The following OCM variants were observed in gnomAD, a reference collection of about 807,000 sequenced individuals.
OCM encodes oncomodulin-1.
A neutral mutation model predicts 14.1 loss-of-function variants in OCM; 18 were observed. The ratio of observed to expected loss-of-function variants is 1.28; its 90% confidence interval spans 0.88 to 1.89. The LOEUF (loss-of-function observed/expected upper bound fraction) is 1.89. Ranked by LOEUF, OCM falls within the 40% of genes most tolerant of loss-of-function variation. The pLI, the probability that OCM is intolerant of heterozygous loss-of-function variation, is 0.00. For synonymous variants in OCM, 48 were observed against 51.0 expected (o/e 0.94, Z 0.25); for missense variants, 140 against 137.6 (o/e 1.02, Z -0.09).
At chr7:5,862,181 TG>T in the OCM span, among the ~76,000 whole-genome samples, 19 of 152,288 alleles carry the variant, frequency 1.2e-4, no homozygotes, top group South Asian at 3.9e-3. Context: ...CCAGCATGTT[TG>T]TATTGTGAAA....
chr7:5,873,433 A>G, the OCM span, among the ~76,000 whole-genome samples: 3 of 152,084 alleles, frequency 2.0e-5, no homozygotes, highest in Non-Finnish European at 4.4e-5. Context: ...GGGTGGTGGT[A>G]CATGCCTGTA....
At chr7:5,878,291 A>G (rs1157650933), upstream of OCM, among the ~76,000 whole-genome samples, 1 of 151,840 alleles carries the variant, frequency 6.6e-6, no homozygotes, top group Non-Finnish European at 1.5e-5. Context: ...AGCAGAAAGT[A>G]CAATGATGCT....
At chr7:5,864,288 G>T in the OCM span, among the ~76,000 whole-genome samples, 2 of 151,410 alleles carry the variant, frequency 1.3e-5, no homozygotes, top group African/African-American at 4.9e-5. Context: ...TTGAGGCTGC[G>T]GTGAGCTGTG....
At chr7:5,876,637 G>C (rs1167125901), upstream of OCM, among the ~76,000 whole-genome samples, 1 of 152,174 alleles carries the variant, frequency 6.6e-6, no homozygotes, top group Admixed American at 6.5e-5. Flanking sequence ...TGGAGGTTTG[G>C]TCATTTAAGA....
rs528921766 is a variant in OCM, at chr7:5,884,954, A to T, written c.304+955A>T. On this transcript the variant is annotated intron_variant, in intron 3 of 3. Coordinates refer to ENST00000242104, the MANE Select transcript of OCM (RefSeq NM_001097622.2). ...GACCAACATGGTGAACCCCATCTCT[A>T]TTGAAAATATAAAAAATTAGCCGGT... 2.6e-4 allele frequency among the ~76,000 whole-genome samples: 40 copies of T among 152,052 alleles called. No homozygotes were observed. In the South Asian group the frequency reaches 8.3e-3, roughly 32 times the overall value.
the OCM span, among the ~76,000 whole-genome samples, chr7:5,871,180 C>CG: frequency 6.6e-6 from 1 of 151,492 alleles, no homozygotes; most frequent in East Asian, 1.9e-4. Context: ...GAGCCCCCCC[C>CG]CCGTCTCTAC....
intron 3 of OCM, among the ~76,000 whole-genome samples, chr7:5,885,613 C>CTTTTT (rs917292765): frequency 6.5e-5 from 9 of 138,360 alleles, no homozygotes; most frequent in Non-Finnish European, 1.1e-4. Flanking sequence ...TCTTTCTTTC[C>CTTTTT]TTTTTTTTTT....
At chr7:5,872,861 G>A in the OCM span, among the ~76,000 whole-genome samples, 1 of 151,766 alleles carries the variant, frequency 6.6e-6, no homozygotes. Flanking sequence ...AAACACCCAA[G>A]AATGATCAAT....
At chr7:5,881,961 CCTGTAATCTCAG>C (rs1781223725) in intron 1 of OCM, among the ~76,000 whole-genome samples, 1 of 151,632 alleles carries the variant, frequency 6.6e-6, no homozygotes, top group Non-Finnish European at 1.5e-5. Context: ...GGGGTGCACA[CCTGTAATCTCAG>C]CTACTTGGGA....
upstream of OCM, among the ~76,000 whole-genome samples, chr7:5,877,317 A>G (rs1248581503): frequency 1.3e-5 from 2 of 150,470 alleles, no homozygotes; most frequent in Non-Finnish European, 3.0e-5. Flanking sequence ...AAATACAAAA[A>G]ATTAGCCAGG....
the OCM span, among the ~76,000 whole-genome samples, chr7:5,864,825 C>G: frequency 1.3e-5 from 2 of 151,942 alleles, no homozygotes. Context: ...GCAATCCCAG[C>G]TACTTGAGAA....
the OCM span, among the ~76,000 whole-genome samples, chr7:5,867,930 G>A: frequency 1.3e-5 from 2 of 151,870 alleles, no homozygotes; most frequent in Non-Finnish European, 2.9e-5. Context: ...TAGAGATGGG[G>A]TTCCACCATG....
rs1781198917 is a variant in OCM, at chr7:5,880,908, C to G, written c.19C>G (p.Leu7Val). MSITDV[L>V]SADDIAAALQ... ...GTAGAAAATGAGCATCACGGACGTG[C>G]TCAGTGCTGACGACATTGCAGCAGC... Residue 7 changes from leucine to valine, a missense_variant, in exon 1 of 4, where the codon CTC becomes GTC. Leu to Val is a conservative substitution (Grantham distance 32). Coordinates refer to ENST00000242104, the MANE Select transcript of OCM (RefSeq NM_001097622.2). 6.2e-7 allele frequency: 1 copy of G among 1,613,952 alleles called. No homozygotes were observed. The highest frequency in any genetic ancestry group is 1.7e-5 in the Admixed American group (1 of 59,988).
chr7:5,884,752 G>A (rs978468079), intron 3 of OCM, among the ~76,000 whole-genome samples: 53 of 150,760 alleles, frequency 3.5e-4, no homozygotes, highest in African/African-American at 1.2e-3. Context: ...TACCACTATC[G>A]CTTACTACAT....
the OCM span, among the ~76,000 whole-genome samples, chr7:5,866,496 A>G: frequency 2.0e-5 from 3 of 150,376 alleles, no homozygotes; most frequent in African/African-American, 7.3e-5. Flanking sequence ...AAGTTAGGAA[A>G]GGAGGGAGGG....
the OCM span, among the ~76,000 whole-genome samples, chr7:5,870,924 T>A: frequency 1.3e-5 from 2 of 151,904 alleles, no homozygotes; most frequent in Non-Finnish European, 2.9e-5. Flanking sequence ...TTCGCTCTTG[T>A]TGCCCAGGCT....
At chr7:5,876,627 T>C (rs1781100470), upstream of OCM, among the ~76,000 whole-genome samples, 1 of 152,188 alleles carries the variant, frequency 6.6e-6, no homozygotes, top group Non-Finnish European at 1.5e-5. Flanking sequence ...GGGTGTCGGC[T>C]GGAGGTTTGG....
chr7:5,867,277 A>G, the OCM span, among the ~76,000 whole-genome samples: 2 of 152,150 alleles, frequency 1.3e-5, no homozygotes, highest in African/African-American at 4.8e-5. Context: ...CAGGAGTTCA[A>G]GACAAGCCTG....
At chr7:5,874,601 C>T in the OCM span, among the ~76,000 whole-genome samples, 3 of 151,936 alleles carry the variant, frequency 2.0e-5, no homozygotes, top group Non-Finnish European at 4.4e-5. Context: ...AACTCCTGGG[C>T]TTAAGTGATC....
Sources: allele counts gnomAD v4.1 joint callset (sites outside exome capture counted in the v4.1 genomes callset), GRCh38; gene constraint gnomAD v4.1.1; transcripts MANE v1.5; gene names NCBI Gene and HGNC (gene_info 2026-07-23, HGNC 2026-07-21).